Variants in MCTP2 observed in about 807,000 individuals in gnomAD.
The protein encoded by MCTP2 is multiple C2 and transmembrane domain-containing protein 2.
Under a neutral mutation model 111.6 loss-of-function variants are expected in MCTP2, and 132 were observed. That is an observed-to-expected ratio of 1.18 (90% CI 1.03 to 1.37). The LOEUF is 1.37. Ranked by LOEUF, MCTP2 falls within the 40% of genes most tolerant of loss-of-function variation. The probability of loss-of-function intolerance (pLI) is 0.00; values close to 1 mark genes in which losing one functional copy is unlikely to be tolerated. For missense variants in MCTP2, 1,183 were observed against 1,067.9 expected (o/e 1.11, Z -1.50); for synonymous variants, 395 against 387.7 (o/e 1.02, Z -0.22).
chr15:94,237,466 A>G (rs558551752), intron 1 of MCTP2, among the ~76,000 whole-genome samples: 1 of 151,742 alleles, frequency 6.6e-6, no homozygotes, highest in Non-Finnish European at 1.5e-5. Context: ...ATGCTGCCCA[A>G]ATTCTTATCT....
chr15:94,363,777 C>T (rs931784584), intron 10 of MCTP2, among the ~76,000 whole-genome samples: 9 of 152,156 alleles, frequency 5.9e-5, no homozygotes, highest in African/African-American at 1.9e-4. Context: ...ATTTCCTGGT[C>T]ACCTAAGGGC....
chr15:94,457,691 C>T (rs544055696), intron 19 of MCTP2, among the ~76,000 whole-genome samples: 209 of 152,204 alleles, frequency 1.4e-3, no homozygotes, highest in African/African-American at 4.8e-3. Flanking sequence ...CTAAGATGCT[C>T]CAGTACTAGG....
intron 20 of MCTP2, among the ~76,000 whole-genome samples, chr15:94,459,230 C>T (rs975494332): frequency 4.6e-5 from 7 of 151,978 alleles, no homozygotes; most frequent in Non-Finnish European, 1.0e-4. Flanking sequence ...ATTCTAGTTT[C>T]TTTAAGAATA....
Position 94,470,383 on chromosome 15 carries a change from T to G in MCTP2, c.2411T>G (p.Leu804Arg). The G allele has an allele frequency of 6.2e-7, 1 of 1,614,078 alleles. No homozygotes were observed. Among genetic ancestry groups the G allele is most frequent in the South Asian group, 1.1e-5 (1 of 91,082 alleles). ...CTTTCATCTCTGGCCTGTTTGATTCTGGCAGCAGCCACCATCATTTTGTAT... is the reference window on the plus strand; with the variant it reads ...CTTTCATCTCTGGCCTGTTTGATTCGGGCAGCAGCCACCATCATTTTGTAT... ...PFLSSLACLI[L>R]AAATIILYFI... The change falls in exon 21 of 23, where the codon CTG becomes CGG. Residue 804 changes from leucine (L) to arginine (R), a missense_variant. Physicochemically the swap from Leu to Arg is moderately radical, Grantham distance 102. Coordinates refer to ENST00000357742, the MANE Select transcript of MCTP2 (RefSeq NM_001385001.1).
Position 94,480,260 on chromosome 15 carries a change from G to A in MCTP2, c.*1226G>A, listed in dbSNP as rs1462160256. Reference sequence around the variant, plus strand: ...GACACATACTTTGTGCAGTTTTTATGTATGTATGTATTATAAAAAAAGTTA... The same window carrying A: ...GACACATACTTTGTGCAGTTTTTATATATGTATGTATTATAAAAAAAGTTA... On this transcript the variant is annotated 3_prime_UTR_variant, in exon 23 of 23. Transcript: ENST00000357742. 2.6e-5 allele frequency: 4 copies of A among 151,176 alleles called. No homozygotes were observed. The highest frequency in any genetic ancestry group is 2.1e-4 in the South Asian group (1 of 4,810). 9.4% of individuals were successfully genotyped at this position (151,176 alleles called of 1,614,324 possible).
intron 12 of MCTP2, among the ~76,000 whole-genome samples, chr15:94,374,308 A>G (rs1253029694): frequency 6.6e-6 from 1 of 152,256 alleles, no homozygotes; most frequent in African/African-American, 2.4e-5. Flanking sequence ...TTCAGTACAC[A>G]TGACAACACC....
intron 8 of MCTP2, among the ~76,000 whole-genome samples, chr15:94,351,336 C>T (rs2078291925): frequency 6.6e-6 from 1 of 152,110 alleles, no homozygotes; most frequent in African/African-American, 2.4e-5. Flanking sequence ...TCATGTCATG[C>T]AATAAAAGCT....
intron 19 of MCTP2, 29 bp downstream of exon 19, chr15:94,442,989 A>G (rs778550107): frequency 6.2e-7 from 1 of 1,600,012 alleles, no homozygotes; most frequent in Non-Finnish European, 8.6e-7. Flanking sequence ...GAACACACAC[A>G]AAAAAACACT....
At chr15:94,321,585 G>A (rs997726053) in intron 4 of MCTP2, among the ~76,000 whole-genome samples, 2 of 152,158 alleles carry the variant, frequency 1.3e-5, no homozygotes, top group African/African-American at 2.4e-5. Flanking sequence ...CAGCTCCCCC[G>A]TCATTGAATT....
rs932929329 is a variant in MCTP2 at position 94,282,723 on chromosome 15, A to G, written c.-65-15478A>G. ...CTTTTTGATGGGGCTTTTTGCTTTT[A>G]TACTCTTTGATCCCCTTGAGGGTTT... On this transcript the variant is annotated intron_variant, in intron 1 of 22. Transcript: ENST00000357742. Among the ~76,000 whole-genome samples the G allele has an allele frequency of 1.3e-5, 2 of 152,218 alleles. 1 individual carries two copies. The highest frequency in any genetic ancestry group is 4.1e-4 in the South Asian group (2 of 4,820).
intron 19 of MCTP2, among the ~76,000 whole-genome samples, chr15:94,457,788 G>A (rs2084929225): frequency 6.6e-6 from 1 of 152,200 alleles, no homozygotes; most frequent in African/African-American, 2.4e-5. Context: ...CAGAAAACCT[G>A]TGGAGACAGA....
At chr15:94,257,943 G>A (rs1427672700) in intron 1 of MCTP2, among the ~76,000 whole-genome samples, 2 of 150,772 alleles carry the variant, frequency 1.3e-5, no homozygotes, top group Non-Finnish European at 3.0e-5. Flanking sequence ...GCAGTGGTGC[G>A]ATCTTCTCAG....
chr15:94,371,508 A>G (rs1228994892), intron 12 of MCTP2, among the ~76,000 whole-genome samples: 2 of 152,136 alleles, frequency 1.3e-5, no homozygotes, highest in East Asian at 3.9e-4. Flanking sequence ...TTTCGAATGC[A>G]CTGTTGTTTT....
intron 4 of MCTP2, among the ~76,000 whole-genome samples, chr15:94,319,813 CTG>C (rs1439364478): frequency 6.6e-6 from 1 of 152,166 alleles, no homozygotes; most frequent in Non-Finnish European, 1.5e-5. Context: ...GTTTAAGAAA[CTG>C]TGTGATATGC....
At chr15:94,354,948 G>T (rs1330985890) in intron 8 of MCTP2, among the ~76,000 whole-genome samples, 1 of 152,206 alleles carries the variant, frequency 6.6e-6, no homozygotes, top group Non-Finnish European at 1.5e-5. Flanking sequence ...GCTCGACGAT[G>T]ATGCTCAGCA....
At chr15:94,348,550 G>T (rs1031134737) in intron 8 of MCTP2, among the ~76,000 whole-genome samples, 1 of 75,050 alleles carries the variant, frequency 1.3e-5, no homozygotes, top group Admixed American at 1.6e-4. Flanking sequence ...ACCAGGAGAC[G>T]TTTTTTGATT....
chr15:94,450,154 T>C (rs544087313), intron 19 of MCTP2, among the ~76,000 whole-genome samples: 20 of 152,312 alleles, frequency 1.3e-4, no homozygotes, highest in African/African-American at 4.1e-4. Flanking sequence ...AGTAAGTGCT[T>C]TATGTAATGA....
chr15:94,464,269 A>ATAT (rs1555481467), intron 20 of MCTP2, among the ~76,000 whole-genome samples: 688 of 61,396 alleles, frequency 0.011, 24 homozygotes, highest in African/African-American at 0.035. Flanking sequence ...ATATATATAT[A>ATAT]TATATATATA....
intron 20 of MCTP2, among the ~76,000 whole-genome samples, chr15:94,458,454 C>T (rs2084976676): frequency 1.3e-5 from 2 of 152,212 alleles, no homozygotes; most frequent in Non-Finnish European, 2.9e-5. Flanking sequence ...CCATACGGCC[C>T]AGTTTATTCC....
Sources: allele counts gnomAD v4.1 joint callset (sites outside exome capture counted in the v4.1 genomes callset), GRCh38; gene constraint gnomAD v4.1.1; transcripts MANE v1.5; gene names NCBI Gene and HGNC (gene_info 2026-07-23, HGNC 2026-07-21).